Variants in NTNG1 observed in about 807,000 individuals in gnomAD.
NTNG1 encodes netrin G1.
NTNG1 carries 16 observed loss-of-function variants against 54.0 expected under a neutral mutation model. The ratio of observed to expected loss-of-function variants is 0.30; its 90% CI spans 0.20 to 0.45. The LOEUF is 0.45. Ranked by LOEUF, NTNG1 falls within the 20% of genes least tolerant of loss-of-function variation. NTNG1 has a pLI of 1.00. For synonymous variants in NTNG1, 255 were observed against 263.1 expected, an observed-to-expected ratio of 0.97 and a Z score of 0.30; for missense variants, 530 against 678.7, an observed-to-expected ratio of 0.78 and a Z score of 2.43.
chr1:107,480,595 C>CAAA lies in NTNG1; in HGVS notation c.1391-16_1391-15insAAA. 2.8e-6 allele frequency: 1 copy of CAAA among 360,148 alleles called. No individual in the cohort carries two copies. Among genetic ancestry groups the CAAA allele is most frequent in the Non-Finnish European group, 5.3e-6 (1 of 189,348 alleles). The allele number at this position is 360,148 out of a possible 1,614,324, so 22.3% of individuals were successfully genotyped here. ...CCCCGCGCCCACCCACCCCTACCTT[C>CAAA]CCCCTCATTCTGCAGCGAATGTCTG... On this transcript the variant is annotated splice_polypyrimidine_tract_variant and intron_variant, in intron 7 of 7. Transcript: ENST00000370068.
At chr1:107,272,993 A>C (rs899293346) in intron 2 of NTNG1, among the ~76,000 whole-genome samples, 3 of 152,236 alleles carry the variant, frequency 2.0e-5, no homozygotes, top group Non-Finnish European at 4.4e-5. Flanking sequence ...ATTGTTTTGC[A>C]AGCAGCTTAC....
chr1:107,473,632 G>T (rs1483699195), intron 7 of NTNG1, among the ~76,000 whole-genome samples: 1 of 152,168 alleles, frequency 6.6e-6, no homozygotes, highest in Admixed American at 6.5e-5. Context: ...TCCCTGTGTC[G>T]CTCCTCATCC....
intron 2 of NTNG1, among the ~76,000 whole-genome samples, chr1:107,149,607 A>G: frequency 6.6e-6 from 1 of 152,160 alleles, no homozygotes; most frequent in East Asian, 1.9e-4. Context: ...TTCTGCATAG[A>G]AAGTTAAATA....
chr1:107,289,493 C>T (rs1665442153), intron 2 of NTNG1, among the ~76,000 whole-genome samples: 1 of 152,174 alleles, frequency 6.6e-6, no homozygotes, highest in African/African-American at 2.4e-5. Flanking sequence ...GCAAGTTTCT[C>T]TGCTTGGAAT....
rs369093475 is a variant in NTNG1 at position 107,332,959 on chromosome 1, T to C, written c.887+8037T>C. Among the ~76,000 whole-genome samples the C allele has an allele frequency of 1.5e-4, 23 of 152,032 alleles. No homozygotes were observed. In the East Asian group the frequency reaches 3.9e-3, roughly 26 times the overall value. On this transcript the variant is annotated intron_variant, in intron 3 of 7. Coordinates refer to ENST00000370068, the MANE Select transcript of NTNG1 (RefSeq NM_001113226.3). Reference sequence around the variant, plus strand: ...AAAATTTAAAAATTACTTATGTTGGTGTATAAATTTGTTTCTCAACTCCCC... The same window carrying C: ...AAAATTTAAAAATTACTTATGTTGGCGTATAAATTTGTTTCTCAACTCCCC...
chr1:107,453,551 G>T (rs771383930), intron 7 of NTNG1, among the ~76,000 whole-genome samples: 1 of 152,130 alleles, frequency 6.6e-6, no homozygotes, highest in Non-Finnish European at 1.5e-5. Flanking sequence ...AAGCCTCCCA[G>T]GGGGTTTCTT....
intron 2 of NTNG1, among the ~76,000 whole-genome samples, chr1:107,149,590 CT>C (rs755992202): frequency 5.9e-5 from 9 of 151,820 alleles, no homozygotes; most frequent in South Asian, 4.2e-4. Context: ...TATATAAGTC[CT>C]TTTTTTTCTG....
intron 2 of NTNG1, among the ~76,000 whole-genome samples, chr1:107,228,245 C>T (rs971157862): frequency 1.3e-5 from 2 of 152,164 alleles, no homozygotes; most frequent in Admixed American, 1.3e-4. Context: ...AGGTATTCAT[C>T]TACTCTCACT....
At chr1:107,290,693 G>A (rs1285077830) in intron 2 of NTNG1, among the ~76,000 whole-genome samples, 1 of 151,840 alleles carries the variant, frequency 6.6e-6, no homozygotes, top group Non-Finnish European at 1.5e-5. Flanking sequence ...TATTTGAGGT[G>A]ATTAAGTAGC....
chr1:107,251,843 A>G (rs1182939624), intron 2 of NTNG1, among the ~76,000 whole-genome samples: 1 of 152,164 alleles, frequency 6.6e-6, no homozygotes, highest in Non-Finnish European at 1.5e-5. Context: ...AGTTTCATCC[A>G]TAAGTGCATA....
In NTNG1 at chr1:107,329,668, T is replaced by C. The variant is rs544925420; in HGVS notation, c.887+4746T>C. ...AAAAATGCTTTTAAAGCATTGAGCC[T>C]GGCCTTTATCTATTCTTTTCCAATT... On this transcript the variant is annotated intron_variant, in intron 3 of 7. Coordinates refer to ENST00000370068, the MANE Select transcript of NTNG1 (RefSeq NM_001113226.3). 2.0e-5 allele frequency among the ~76,000 whole-genome samples: 3 copies of C among 152,288 alleles called. No individual in the cohort carries two copies. In the East Asian group the frequency reaches 5.8e-4, roughly 29 times the overall value.
At chr1:107,365,045 C>A (rs1339352922) in intron 3 of NTNG1, among the ~76,000 whole-genome samples, 1 of 151,952 alleles carries the variant, frequency 6.6e-6, no homozygotes, top group Admixed American at 6.6e-5. Flanking sequence ...AATTAAATAC[C>A]TTGTTAAAAT....
chr1:107,287,793 A>G (rs538090293), intron 2 of NTNG1, among the ~76,000 whole-genome samples: 88 of 152,286 alleles, frequency 5.8e-4, no homozygotes, highest in Non-Finnish European at 3.2e-4. Flanking sequence ...GTTGAGCTCT[A>G]TGACCTGTGG....
chr1:107,299,271 G>C (rs1438384281), intron 2 of NTNG1, among the ~76,000 whole-genome samples: 1 of 152,150 alleles, frequency 6.6e-6, no homozygotes, highest in Non-Finnish European at 1.5e-5. Context: ...ATGAACAAGA[G>C]TGGTGTCTGA....
intron 2 of NTNG1, among the ~76,000 whole-genome samples, chr1:107,172,771 T>C (rs2101097638): frequency 6.6e-6 from 1 of 152,314 alleles, no homozygotes; most frequent in Middle Eastern, 3.4e-3. Context: ...CACTAGGGAC[T>C]CTCATAAATA....
intron 2 of NTNG1, among the ~76,000 whole-genome samples, chr1:107,285,122 A>G (rs1557869378): frequency 6.6e-6 from 1 of 152,156 alleles, no homozygotes; most frequent in South Asian, 2.1e-4. Context: ...GAAAATATGG[A>G]TTAAACTCAG....
At chr1:107,416,731 C>T (rs1227497139) in intron 5 of NTNG1, among the ~76,000 whole-genome samples, 1 of 151,856 alleles carries the variant, frequency 6.6e-6, no homozygotes, top group Non-Finnish European at 1.5e-5. Context: ...CTTGGCAAAG[C>T]TCAATAACAA....
intron 2 of NTNG1, among the ~76,000 whole-genome samples, chr1:107,243,788 A>C (rs1397821723): frequency 1.3e-5 from 2 of 151,648 alleles, no homozygotes; most frequent in African/African-American, 4.8e-5. Context: ...TTTTTTTTTC[A>C]ATATATGACT....
At chr1:107,391,755 A>C (rs1215427292) in intron 3 of NTNG1, among the ~76,000 whole-genome samples, 1 of 152,058 alleles carries the variant, frequency 6.6e-6, no homozygotes, top group Non-Finnish European at 1.5e-5. Context: ...GCAAAAACTC[A>C]TGGAGGGAGA....
Sources: allele counts gnomAD v4.1 joint callset (sites outside exome capture counted in the v4.1 genomes callset), GRCh38; gene constraint gnomAD v4.1.1; transcripts MANE v1.5; gene names NCBI Gene and HGNC (gene_info 2026-07-23, HGNC 2026-07-21).